The following JAZF1 variants were observed in gnomAD, a reference collection of about 807,000 sequenced individuals.
The protein encoded by JAZF1 is juxtaposed with another zinc finger protein 1.
Under a neutral mutation model 26.4 loss-of-function variants are expected in JAZF1, and 8 were observed. That is an observed-to-expected ratio of 0.30 (90% CI 0.18 to 0.55). The LOEUF is 0.55. Ranked by LOEUF, JAZF1 falls within the 20% of genes least tolerant of loss-of-function variation. The probability of loss-of-function intolerance (pLI) is 0.94; values close to 1 mark genes in which losing one functional copy is unlikely to be tolerated. For synonymous variants in JAZF1, 126 were observed against 122.3 expected, an observed-to-expected ratio of 1.03 and a Z score of -0.20; for missense variants, 199 against 322.0, an observed-to-expected ratio of 0.62 and a Z score of 2.92.
chr7:28,135,902 G>A (rs936254270), intron 1 of JAZF1, among the ~76,000 whole-genome samples: 1 of 152,204 alleles, frequency 6.6e-6, no homozygotes, highest in South Asian at 2.1e-4. Flanking sequence ...TCCTCTTCCT[G>A]TATTAGAGTC....
intron 1 of JAZF1, among the ~76,000 whole-genome samples, chr7:28,173,400 TAC>T (rs898951568): frequency 1.3e-5 from 2 of 152,206 alleles, no homozygotes; most frequent in African/African-American, 4.8e-5. Flanking sequence ...TGTATACATA[TAC>T]ACACATAAAT....
chr7:27,875,250 A>G (rs1016031140), intron 3 of JAZF1, among the ~76,000 whole-genome samples: 35 of 152,034 alleles, frequency 2.3e-4, no homozygotes, highest in Non-Finnish European at 3.8e-4. Context: ...CTCTACTCCA[A>G]AACATTCCGA....
intron 1 of JAZF1, among the ~76,000 whole-genome samples, chr7:28,090,509 G>A (rs1438856707): frequency 6.6e-6 from 1 of 152,168 alleles, no homozygotes; most frequent in African/African-American, 2.4e-5. Flanking sequence ...AATTATTTTA[G>A]TGTTACAGTG....
intron 1 of JAZF1, among the ~76,000 whole-genome samples, chr7:27,997,208 T>C (rs552765811): frequency 2.0e-5 from 3 of 152,190 alleles, no homozygotes; most frequent in Admixed American, 6.5e-5. Context: ...GTGTCAGGTA[T>C]GGCAAAAGGC....
intron 1 of JAZF1, among the ~76,000 whole-genome samples, chr7:28,093,421 A>G (rs1454762116): frequency 2.0e-5 from 3 of 152,328 alleles, no homozygotes; most frequent in Middle Eastern, 3.4e-3. Context: ...CTGTGAGTCC[A>G]TTGAAACTCT....
chr7:28,071,668 G>C (rs1350877036), intron 1 of JAZF1: 1 of 470,494 alleles, frequency 2.1e-6, no homozygotes, highest in East Asian at 6.9e-5. Context: ...TCCAGTGACG[G>C]CACTTACAGC....
chr7:28,012,943 A>G (rs1406832362), intron 1 of JAZF1, among the ~76,000 whole-genome samples: 1 of 152,038 alleles, frequency 6.6e-6, no homozygotes, highest in East Asian at 1.9e-4. Flanking sequence ...TCCCACCACA[A>G]CCTAAGCCTG....
intron 3 of JAZF1, among the ~76,000 whole-genome samples, chr7:27,893,161 T>C (rs965308533): frequency 1.3e-5 from 2 of 152,188 alleles, no homozygotes; most frequent in Non-Finnish European, 2.9e-5. Flanking sequence ...CAGTGCATAT[T>C]AAAGCCCCGA....
intron 1 of JAZF1, among the ~76,000 whole-genome samples, chr7:28,052,123 G>A (rs1783627848): frequency 6.6e-6 from 1 of 152,170 alleles, no homozygotes; most frequent in South Asian, 2.1e-4. Context: ...TCTGTTTTCT[G>A]TCATTTTTGT....
intron 1 of JAZF1, among the ~76,000 whole-genome samples, chr7:28,016,266 C>G (rs1562559975): frequency 6.6e-6 from 1 of 152,202 alleles, no homozygotes; most frequent in Non-Finnish European, 1.5e-5. Context: ...CATCAAGTCA[C>G]TTACTTACCT....
At chr7:28,108,049 G>A (rs987212561) in intron 1 of JAZF1, among the ~76,000 whole-genome samples, 4 of 152,214 alleles carry the variant, frequency 2.6e-5, no homozygotes, top group Admixed American at 1.3e-4. Context: ...GGGGTGGGAT[G>A]CAGTAACTCT....
At chr7:28,109,166 CT>C (rs1486621518) in intron 1 of JAZF1, among the ~76,000 whole-genome samples, 2 of 152,164 alleles carry the variant, frequency 1.3e-5, no homozygotes, top group African/African-American at 4.8e-5. Context: ...GTTAACAATA[CT>C]GTTTTACATA....
chr7:28,006,214 C>T (rs560318541), intron 1 of JAZF1, among the ~76,000 whole-genome samples: 159 of 152,030 alleles, frequency 1.0e-3, no homozygotes, highest in African/African-American at 3.6e-3. Flanking sequence ...TACTAAAATA[C>T]AAAAATCAGC....
intron 3 of JAZF1, among the ~76,000 whole-genome samples, chr7:27,877,154 C>T (rs569591010): frequency 6.6e-6 from 1 of 151,960 alleles, no homozygotes; most frequent in African/African-American, 2.4e-5. Context: ...TATTTTCTTC[C>T]GTCAAAGCAA....
chr7:27,977,182 A>G (rs1380157086), intron 2 of JAZF1, among the ~76,000 whole-genome samples: 1 of 152,174 alleles, frequency 6.6e-6, no homozygotes, highest in Non-Finnish European at 1.5e-5. Flanking sequence ...GTAATTTTTC[A>G]TTATATATTA....
intron 1 of JAZF1, chr7:28,118,084 T>C (rs1390314480): frequency 6.6e-6 from 1 of 152,160 alleles, no homozygotes; most frequent in Non-Finnish European, 1.5e-5. Flanking sequence ...AAGTGGTAAA[T>C]GACGTTTCTT....
intron 1 of JAZF1, among the ~76,000 whole-genome samples, chr7:28,162,370 A>C (rs1387881849): frequency 1.3e-5 from 2 of 152,208 alleles, no homozygotes; most frequent in African/African-American, 4.8e-5. Context: ...CTTTCCCTCT[A>C]CAGGAACACA....
At chr7:28,068,095 A>C (rs1459620897) in intron 1 of JAZF1, among the ~76,000 whole-genome samples, 1 of 151,946 alleles carries the variant, frequency 6.6e-6, no homozygotes, top group Non-Finnish European at 1.5e-5. Context: ...TTGTATATTT[A>C]GTAAAAACAG....
intron 1 of JAZF1, among the ~76,000 whole-genome samples, chr7:28,083,168 G>A (rs971589717): frequency 2.6e-5 from 4 of 152,020 alleles, no homozygotes; most frequent in East Asian, 1.9e-4. Context: ...TAGATCAAGC[G>A]CCCCTTCCAC....
Sources: allele counts gnomAD v4.1 joint callset (sites outside exome capture counted in the v4.1 genomes callset), GRCh38; gene constraint gnomAD v4.1.1; transcripts MANE v1.5; gene names NCBI Gene and HGNC (gene_info 2026-07-23, HGNC 2026-07-21).